Variants in HECW1 observed in about 807,000 individuals in gnomAD.
HECW1 encodes HECT, C2 and WW domain containing E3 ubiquitin protein ligase 1, also known as E3 ubiquitin-protein ligase HECW1.
Under a neutral mutation model 182.3 loss-of-function variants are expected in HECW1, and 61 were observed. The ratio of observed to expected loss-of-function variants is 0.33; its 90% CI spans 0.27 to 0.41. HECW1 has a LOEUF of 0.41. Ranked by LOEUF, HECW1 falls within the 10% of genes least tolerant of loss-of-function variation. The pLI is 1.00. For synonymous variants in HECW1, 859 were observed against 832.6 expected, an observed-to-expected ratio of 1.03 and a Z score of -0.55; for missense variants, 1,739 against 2,108.9, an observed-to-expected ratio of 0.82 and a Z score of 3.44.
chr7:43,533,754 C>T (rs1214882572), intron 24 of HECW1, among the ~76,000 whole-genome samples: 1 of 152,174 alleles, frequency 6.6e-6, no homozygotes, highest in East Asian at 1.9e-4. Flanking sequence ...AGCACATTAT[C>T]ACCAAATGCC....
chr7:43,500,793 A>G lies in HECW1; in HGVS notation c.3521+11A>G, dbSNP rs1389082934. The stretch of plus-strand genomic sequence containing the variant: ...GGTCATTTTGCTGAGGTAGGGGGCT[A>G]GGCCTGAAATCCTTCTGGAAAAGCT... On this transcript the variant is annotated intron_variant, in intron 20 of 29. Coordinates refer to ENST00000395891, the MANE Select transcript of HECW1 (RefSeq NM_015052.5). The G allele has an allele frequency of 1.2e-6, 2 of 1,610,384 alleles. No individual in the cohort carries two copies. Among genetic ancestry groups the G allele is most frequent in the Non-Finnish European group, 1.7e-6 (2 of 1,176,646 alleles).
intron 2 of HECW1, among the ~76,000 whole-genome samples, chr7:43,134,822 G>A (rs977270916): frequency 1.3e-5 from 2 of 152,034 alleles, no homozygotes; most frequent in Non-Finnish European, 2.9e-5. Context: ...TCTACCTTTG[G>A]TGATCATGGA....
chr7:43,173,405 C>T (rs1791886027), intron 2 of HECW1, among the ~76,000 whole-genome samples: 1 of 152,154 alleles, frequency 6.6e-6, no homozygotes, highest in Non-Finnish European at 1.5e-5. Context: ...CACCCCTCCC[C>T]ATGTGTTAGG....
At position 43,501,263 on chromosome 7, in the gene HECW1, A is replaced by T. The variant is rs1378173140; in HGVS notation, c.3572A>T (p.His1191Leu). The change falls in exon 21 of 30, where the codon CAC becomes CTC. Residue 1191 changes from histidine to leucine, a missense_variant. His to Leu is a moderately conservative substitution (Grantham distance 99). Coordinates refer to ENST00000395891, the MANE Select transcript of HECW1 (RefSeq NM_015052.5). ...TACGTCCCCCTGCAGGCTGCCTTCCACCCTGGGTATAGCTTCTCTCCCCGA... is the reference window on the plus strand; with the variant it reads ...TACGTCCCCCTGCAGGCTGCCTTCCTCCCTGGGTATAGCTTCTCTCCCCGA... The part of the protein sequence containing the change: ...MSYVPLQAAF[H>L]PGYSFSPRCS... 1 of 1,591,568 alleles carries T rather than the reference A, an allele frequency of 6.3e-7. No individual in the cohort carries two copies. Among genetic ancestry groups the T allele is most frequent in the East Asian group, 2.3e-5 (1 of 44,274 alleles).
chr7:43,376,767 G>A (rs2152824060), intron 6 of HECW1, among the ~76,000 whole-genome samples: 1 of 152,150 alleles, frequency 6.6e-6, no homozygotes, highest in South Asian at 2.1e-4. Flanking sequence ...TTGGGAGGCT[G>A]AGGCAGGACA....
intron 8 of HECW1, among the ~76,000 whole-genome samples, chr7:43,422,279 C>T (rs1401006832): frequency 3.9e-5 from 6 of 152,020 alleles, no homozygotes; most frequent in Admixed American, 3.9e-4. Context: ...CTTAAAGAGT[C>T]AAATATGGGC....
intron 3 of HECW1, among the ~76,000 whole-genome samples, chr7:43,288,341 G>T (rs944571204): frequency 1.3e-5 from 2 of 152,076 alleles, no homozygotes; most frequent in African/African-American, 4.8e-5. Flanking sequence ...GTGGCCATGT[G>T]TATTTGAAAA....
chr7:43,431,880 C>CTT lies in HECW1; in HGVS notation c.802-6110_802-6109dup, dbSNP rs200886623. Among the ~76,000 whole-genome samples the CTT allele has an allele frequency of 3.7e-3, 281 of 76,224 alleles. 1 individual carries two copies. Among genetic ancestry groups the CTT allele is most frequent in the Middle Eastern group, 0.011 (1 of 90 alleles). 50.0% of individuals were successfully genotyped at this position (76,224 alleles called of 152,430 possible). ...CCCTTCTTCATCCCACCGACACTTG[C>CTT]TTTTTTTTTTTTTTGAGATGGAGTC... On this transcript the variant is annotated intron_variant, in intron 8 of 29. Coordinates refer to ENST00000395891, the MANE Select transcript of HECW1 (RefSeq NM_015052.5).
chr7:43,347,717 A>G (rs1813863976), intron 5 of HECW1, among the ~76,000 whole-genome samples: 1 of 151,852 alleles, frequency 6.6e-6, no homozygotes, highest in Non-Finnish European at 1.5e-5. Context: ...GATTTTCCTG[A>G]AAGTTTTAAT....
At chr7:43,510,590 C>T (rs1054317329) in intron 24 of HECW1, among the ~76,000 whole-genome samples, 2 of 152,162 alleles carry the variant, frequency 1.3e-5, no homozygotes, top group Non-Finnish European at 2.9e-5. Flanking sequence ...CTCACTTATA[C>T]GCACATATAC....
chr7:43,187,821 A>G (rs1793549532), intron 2 of HECW1, among the ~76,000 whole-genome samples: 1 of 152,180 alleles, frequency 6.6e-6, no homozygotes. Flanking sequence ...ATTTAGAGGT[A>G]GATGGGAGCT....
chr7:43,129,383 A>G (rs1227344946), intron 2 of HECW1, among the ~76,000 whole-genome samples: 2 of 152,206 alleles, frequency 1.3e-5, no homozygotes, highest in Non-Finnish European at 2.9e-5. Flanking sequence ...GAAGGCCCAG[A>G]TAGATAATTG....
rs1431417446 is a variant in HECW1, at chr7:43,503,707, A to G, written c.3631+2385A>G. On this transcript the variant is annotated intron_variant, in intron 21 of 29. Transcript: ENST00000395891. ...TCCCCATTCTCTTAGACTGGTATGA[A>G]ATCTACCCAGGTGCTACAGAGATGG... Among the ~76,000 whole-genome samples, 3 of 152,208 alleles carry G rather than the reference A, an allele frequency of 2.0e-5. No homozygotes were observed. The East Asian group carries it at 5.8e-4, about 29-fold the overall frequency.
At chr7:43,191,627 C>A (rs938346777) in intron 2 of HECW1, among the ~76,000 whole-genome samples, 4 of 152,200 alleles carry the variant, frequency 2.6e-5, no homozygotes, top group African/African-American at 9.6e-5. Flanking sequence ...ATGATCAATT[C>A]TGCCCATGTC....
chr7:43,286,049 C>A (rs907477111), intron 3 of HECW1, among the ~76,000 whole-genome samples: 1 of 152,030 alleles, frequency 6.6e-6, no homozygotes, highest in Non-Finnish European at 1.5e-5. Context: ...AGAGATAGAT[C>A]AGAGAGACCT....
At chr7:43,258,237 G>A (rs374279913) in intron 3 of HECW1, among the ~76,000 whole-genome samples, 1 of 151,990 alleles carries the variant, frequency 6.6e-6, no homozygotes, top group East Asian at 1.9e-4. Flanking sequence ...CAGCTACTCG[G>A]GAGGCTAAGG....
chr7:43,445,178 G>C lies in HECW1; in HGVS notation c.2006G>C (p.Ser669Thr), dbSNP rs1186330279. Residue 669 changes from serine (S) to threonine (T), a missense_variant, in exon 11 of 30, where the codon AGT becomes ACT. Transcript: ENST00000395891. ...DSSPRQGGDH[S>T]CEGCDASCCS... ...AGCCCCAGGCAAGGCGGGGACCACAGTTGCGAGGGCTGTGACGCGTCCTGC... is the reference window on the plus strand; with the variant it reads ...AGCCCCAGGCAAGGCGGGGACCACACTTGCGAGGGCTGTGACGCGTCCTGC... The C allele has an allele frequency of 6.2e-7, 1 of 1,611,892 alleles. No individual in the cohort carries two copies. Among genetic ancestry groups the C allele is most frequent in the Admixed American group, 1.7e-5 (1 of 59,996 alleles).
intron 2 of HECW1, among the ~76,000 whole-genome samples, chr7:43,123,360 T>C (rs899110520): frequency 2.0e-5 from 3 of 152,120 alleles, no homozygotes; most frequent in African/African-American, 4.8e-5. Flanking sequence ...CAAAACTGAG[T>C]GTACCTGCCG....
chr7:43,493,049 A>G (rs2078988974), intron 18 of HECW1, 35 bp from the exon 19 acceptor site: 1 of 1,440,512 alleles, frequency 6.9e-7, no homozygotes. Context: ...TCTGGGCTGC[A>G]GACTCAACCA....
Sources: allele counts gnomAD v4.1 joint callset (sites outside exome capture counted in the v4.1 genomes callset), GRCh38; gene constraint gnomAD v4.1.1; transcripts MANE v1.5; gene names NCBI Gene and HGNC (gene_info 2026-07-23, HGNC 2026-07-21).